Variants in ANGPT1 observed in about 807,000 individuals in gnomAD.
ANGPT1 encodes angiopoietin 1.
In ANGPT1, 17 loss-of-function variants were observed where a neutral mutation model predicts 62.2. The observed-to-expected ratio is 0.27, with a 90% CI of 0.19 to 0.41. ANGPT1 has a LOEUF of 0.41. Ranked by LOEUF, ANGPT1 falls within the 10% of genes least tolerant of loss-of-function variation. ANGPT1 has a pLI of 1.00. For missense variants in ANGPT1, 478 were observed against 594.9 expected, an observed-to-expected ratio of 0.80 and a Z score of 2.04; for synonymous variants, 199 against 198.9, an observed-to-expected ratio of 1.00 and a Z score of 0.00.
intron 1 of ANGPT1, among the ~76,000 whole-genome samples, chr8:107,403,045 T>C (rs934954135): frequency 6.6e-6 from 1 of 152,166 alleles, no homozygotes; most frequent in Non-Finnish European, 1.5e-5. Flanking sequence ...CCAATAGTTG[T>C]TTTTCAGCCC....
intron 2 of ANGPT1, among the ~76,000 whole-genome samples, chr8:107,341,398 G>A (rs1425100375): frequency 6.6e-6 from 1 of 152,128 alleles, no homozygotes; most frequent in East Asian, 1.9e-4. Flanking sequence ...GGGAAAAAAA[G>A]TAGAAGACTG....
At chr8:107,335,435 T>C (rs1815536294) in intron 3 of ANGPT1, among the ~76,000 whole-genome samples, 1 of 152,250 alleles carries the variant, frequency 6.6e-6, no homozygotes, top group Non-Finnish European at 1.5e-5. Context: ...AGGAAGTCAG[T>C]GTTTTGAATT....
chr8:107,346,953 C>T lies in ANGPT1; in HGVS notation c.442G>A (p.Val148Ile). Residue 148 changes from valine to isoleucine, a missense_variant, in exon 2 of 9, where the codon GTT (valine) becomes ATT (isoleucine). Physicochemically the swap from Val to Ile is conservative, Grantham distance 29. Transcript: ENST00000517746. The stretch of plus-strand genomic sequence containing the variant: ...GCCCTGGGGTGTACCTGGGTCTCAA[C>T]ATCTGTCAGCTTTCTGGTCTGCTCT... ...TAEQTRKLTD[V>I]ETQVLNQTSR... 1.2e-6 allele frequency: 2 copies of T among 1,611,734 alleles called. No homozygotes were observed. Among genetic ancestry groups the T allele is most frequent in the Non-Finnish European group, 1.7e-6 (2 of 1,178,824 alleles).
chr8:107,468,190 A>G (rs1488038284), intron 1 of ANGPT1, among the ~76,000 whole-genome samples: 1 of 152,070 alleles, frequency 6.6e-6, no homozygotes, highest in African/African-American at 2.4e-5. Context: ...TGTTACGAAC[A>G]GAATCTACAG....
chr8:107,427,385 C>G (rs1403780340), intron 1 of ANGPT1, among the ~76,000 whole-genome samples: 2 of 152,126 alleles, frequency 1.3e-5, no homozygotes, highest in African/African-American at 4.8e-5. Flanking sequence ...AGAGCCAGCT[C>G]TTGTCTGTTT....
intron 4 of ANGPT1, among the ~76,000 whole-genome samples, chr8:107,311,377 A>G (rs1335150827): frequency 6.6e-6 from 1 of 152,154 alleles, no homozygotes; most frequent in Admixed American, 6.5e-5. Context: ...TCTTCCAAAA[A>G]AAGAAAGGAG....
chr8:107,438,143 T>C (rs188949719), intron 1 of ANGPT1, among the ~76,000 whole-genome samples: 2 of 152,352 alleles, frequency 1.3e-5, no homozygotes, highest in Admixed American at 1.3e-4. Flanking sequence ...TGTTTCACAA[T>C]GCAGAGATAA....
chr8:107,393,964 C>T (rs1267643715), intron 1 of ANGPT1, among the ~76,000 whole-genome samples: 8 of 152,098 alleles, frequency 5.3e-5, no homozygotes. Flanking sequence ...GCCACTAATG[C>T]ATTTTGACTT....
intron 1 of ANGPT1, among the ~76,000 whole-genome samples, chr8:107,388,657 T>C (rs1474860110): frequency 6.6e-6 from 1 of 152,118 alleles, no homozygotes; most frequent in Admixed American, 6.6e-5. Flanking sequence ...TGGACCTGCT[T>C]TATTGCAGAA....
chr8:107,376,554 G>C (rs1406673126), intron 1 of ANGPT1, among the ~76,000 whole-genome samples: 1 of 152,122 alleles, frequency 6.6e-6, no homozygotes. Context: ...TTTTTTGTGG[G>C]TTTTCTGTTT....
At chr8:107,473,159 C>G (rs773445159) in intron 1 of ANGPT1, among the ~76,000 whole-genome samples, 1 of 151,996 alleles carries the variant, frequency 6.6e-6, no homozygotes, top group Non-Finnish European at 1.5e-5. Flanking sequence ...GCTTAAATAT[C>G]CACATGGTTG....
At chr8:107,402,060 T>C (rs1817057264) in intron 1 of ANGPT1, among the ~76,000 whole-genome samples, 2 of 152,212 alleles carry the variant, frequency 1.3e-5, no homozygotes, top group Non-Finnish European at 2.9e-5. Context: ...GGGTGATTAA[T>C]GTCTGGGGTG....
At position 107,493,373 on chromosome 8, in the gene ANGPT1, C is replaced by T. The variant is rs576955354; in HGVS notation, c.297+3889G>A. On this transcript the variant is annotated intron_variant, in intron 1 of 8. Transcript: ENST00000517746. ...GGTAAGTGGAGTGTGGGTAGATTTC[C>T]TGGAGAAACTGGCAACAGAGCTGAC... is the stretch of plus-strand genomic sequence containing the variant. Among the ~76,000 whole-genome samples the T allele has an allele frequency of 2.7e-5, 4 of 150,192 alleles. No individual in the cohort carries two copies. The South Asian group carries it at 8.8e-4, about 33-fold the overall frequency.
At chr8:107,352,568 G>A (rs1008571290) in intron 1 of ANGPT1, among the ~76,000 whole-genome samples, 3 of 152,090 alleles carry the variant, frequency 2.0e-5, no homozygotes, top group Non-Finnish European at 4.4e-5. Flanking sequence ...ATTATGACAT[G>A]TCTTGTATGT....
chr8:107,286,252 T>A (rs1257622868), intron 6 of ANGPT1, among the ~76,000 whole-genome samples: 1 of 152,170 alleles, frequency 6.6e-6, no homozygotes, highest in South Asian at 2.1e-4. Context: ...TTATAAAATG[T>A]TATGCAAATA....
intron 1 of ANGPT1, among the ~76,000 whole-genome samples, chr8:107,402,391 G>A (rs907958153): frequency 2.0e-5 from 3 of 152,100 alleles, no homozygotes; most frequent in Non-Finnish European, 4.4e-5. Context: ...CAAAATATTT[G>A]TCCAGATAAA....
intron 7 of ANGPT1, 91 bp downstream of exon 7, chr8:107,284,591 G>T: frequency 1.7e-6 from 2 of 1,172,580 alleles, no homozygotes; most frequent in Non-Finnish European, 2.2e-6. Context: ...TTTGAAGGAT[G>T]ATTTTCATTT....
Position 107,251,427 on chromosome 8 carries a change from A to G in ANGPT1, c.*428T>C, listed in dbSNP as rs1813245653. On this transcript the variant is annotated 3_prime_UTR_variant, in exon 9 of 9. Transcript: ENST00000517746. ...GATATAACACCTTTTCACTGGTATAATACATCTTTTCCAAAGGATTATGGC... is the reference window on the plus strand; with the variant it reads ...GATATAACACCTTTTCACTGGTATAGTACATCTTTTCCAAAGGATTATGGC... 1 of 165,198 alleles carries G rather than the reference A, an allele frequency of 6.1e-6. No individual in the cohort carries two copies. The highest frequency in any genetic ancestry group is 5.8e-5 in the Admixed American group (1 of 17,388). 10.2% of individuals were successfully genotyped at this position (165,198 alleles called of 1,614,324 possible).
chr8:107,450,633 A>G (rs1408418076), intron 1 of ANGPT1, among the ~76,000 whole-genome samples: 4 of 151,806 alleles, frequency 2.6e-5, no homozygotes, highest in Non-Finnish European at 5.9e-5. Flanking sequence ...TTTTAAGAAA[A>G]AAGTTCTGAA....
Sources: allele counts gnomAD v4.1 joint callset (sites outside exome capture counted in the v4.1 genomes callset), GRCh38; gene constraint gnomAD v4.1.1; transcripts MANE v1.5; gene names NCBI Gene and HGNC (gene_info 2026-07-23, HGNC 2026-07-21).